SAMD13: variants seen among roughly 807,000 people sequenced by gnomAD.
SAMD13 encodes sterile alpha motif domain containing 13.
Under a neutral mutation model 12.4 loss-of-function variants are expected in SAMD13, and 9 were observed. The ratio of observed to expected loss-of-function variants is 0.72; its 90% CI spans 0.44 to 1.26. The LOEUF (loss-of-function observed/expected upper bound fraction) is 1.26. SAMD13 is among the 50% of genes most tolerant of loss of function. The pLI is 0.00. For missense variants in SAMD13, 84 were observed against 119.6 expected (o/e 0.70, Z 1.39); for synonymous variants, 46 against 45.4 (o/e 1.01, Z -0.05).
intron 3 of SAMD13, among the ~76,000 whole-genome samples, chr1:84,337,815 G>T (rs944342879): frequency 1.2e-4 from 19 of 152,152 alleles, no homozygotes; most frequent in Non-Finnish European, 2.2e-4. Context: ...TTATAAAACT[G>T]AATGCCTTTA....
At chr1:84,346,767 A>C (rs1288846974) in intron 3 of SAMD13, among the ~76,000 whole-genome samples, 1 of 152,202 alleles carries the variant, frequency 6.6e-6, no homozygotes. Flanking sequence ...TTCTTAATCA[A>C]GGAACTTTCC....
At chr1:84,303,335 A>G in intron 2 of SAMD13, 48 bp downstream of exon 2, 1 of 1,467,416 alleles carries the variant, frequency 6.8e-7, no homozygotes, top group African/African-American at 1.4e-5. Flanking sequence ...CAACAGAGGG[A>G]CTTAGTTTCT....
chr1:84,331,670 G>A (rs1487212359), intron 3 of SAMD13, among the ~76,000 whole-genome samples: 1 of 152,034 alleles, frequency 6.6e-6, no homozygotes, highest in East Asian at 1.9e-4. Flanking sequence ...CAAATAAGTG[G>A]GTAATGCTAG....
At chr1:84,303,063 C>T (rs1017695803) in intron 1 of SAMD13, 140 bp from the exon 2 acceptor site, 59 of 628,222 alleles carry the variant, frequency 9.4e-5, no homozygotes, top group African/African-American at 9.3e-4. Context: ...CTCCAATCGC[C>T]GAGGGAACTG....
chr1:84,303,222 C>G lies in SAMD13; in HGVS notation c.-13C>G. 6.2e-7 allele frequency: 1 copy of G among 1,612,842 alleles called. No homozygotes were observed. ...GATTAGTTGCTGAAGTAAAGGAACC[C>G]TGCAGCCTTCCCATGCTATCTGTTG... On this transcript the variant is annotated 5_prime_UTR_variant, in exon 2 of 4. Coordinates refer to ENST00000394834, the MANE Select transcript of SAMD13 (RefSeq NM_001134663.2).
At chr1:84,304,875 A>G (rs1020996363) in intron 2 of SAMD13, among the ~76,000 whole-genome samples, 3 of 152,094 alleles carry the variant, frequency 2.0e-5, no homozygotes, top group Non-Finnish European at 2.9e-5. Context: ...ACTGAGTAAT[A>G]TTTCACTGTT....
intron 3 of SAMD13, among the ~76,000 whole-genome samples, chr1:84,332,018 A>G (rs1679201736): frequency 6.6e-6 from 1 of 152,216 alleles, no homozygotes; most frequent in South Asian, 2.1e-4. Context: ...TTCGCATAGG[A>G]TAATGACCTC....
In SAMD13 at chr1:84,345,587, G is replaced by A. The variant is rs1364644388; in HGVS notation, c.166-4044G>A. ...GGCCTTCCCAGTCAGCGCAGAGCCCGACCTTCATAAATTCCATTGACTTCT... is the reference window on the plus strand; with the variant it reads ...GGCCTTCCCAGTCAGCGCAGAGCCCAACCTTCATAAATTCCATTGACTTCT... On this transcript the variant is annotated intron_variant, in intron 3 of 3. Coordinates refer to ENST00000394834, the MANE Select transcript of SAMD13 (RefSeq NM_001134663.2). Among the ~76,000 whole-genome samples, 7 of 152,124 alleles carry A rather than the reference G, an allele frequency of 4.6e-5. No homozygotes were observed. The East Asian group carries it at 7.7e-4, about 17-fold the overall frequency.
chr1:84,313,124 G>A (rs973887165), intron 2 of SAMD13, among the ~76,000 whole-genome samples: 1 of 151,940 alleles, frequency 6.6e-6, no homozygotes, highest in Non-Finnish European at 1.5e-5. Flanking sequence ...CAGTTTTTGT[G>A]CACATACTCT....
At chr1:84,343,503 A>G (rs1252801126) in intron 3 of SAMD13, among the ~76,000 whole-genome samples, 1 of 152,232 alleles carries the variant, frequency 6.6e-6, no homozygotes, top group Non-Finnish European at 1.5e-5. Flanking sequence ...GTACATAGAC[A>G]CCATGGAATG....
In SAMD13 at chr1:84,347,194, A is replaced by G. The variant is rs540690596; in HGVS notation, c.166-2437A>G. On this transcript the variant is annotated intron_variant, in intron 3 of 3. Coordinates refer to ENST00000394834, the MANE Select transcript of SAMD13 (RefSeq NM_001134663.2). The stretch of plus-strand genomic sequence containing the variant: ...GTAAGCTTCATTTCCATTATTCTCT[A>G]TTCCACTGTCATTCCTTTGAGCTGC... Among the ~76,000 whole-genome samples, 6 of 152,300 alleles carry G rather than the reference A, an allele frequency of 3.9e-5. No individual in the cohort carries two copies. The South Asian group carries it at 1.2e-3, about 32-fold the overall frequency.
intron 2 of SAMD13, among the ~76,000 whole-genome samples, chr1:84,325,077 A>C (rs945048093): frequency 2.0e-5 from 3 of 152,190 alleles, no homozygotes; most frequent in African/African-American, 7.2e-5. Context: ...GTTTGAATGA[A>C]GTTCTAGAAG....
chr1:84,306,830 A>AAATAATAATAATAATAATAAT (rs56408257), intron 2 of SAMD13, among the ~76,000 whole-genome samples: 27 of 144,462 alleles, frequency 1.9e-4, no homozygotes, highest in African/African-American at 6.8e-4. Flanking sequence ...CTCCGTCTCA[A>AAATAATAATAATAATAATAAT]AATAATAATA....
chr1:84,334,072 T>A (rs990879180), intron 3 of SAMD13, among the ~76,000 whole-genome samples: 7 of 152,144 alleles, frequency 4.6e-5, no homozygotes, highest in Non-Finnish European at 7.4e-5. Context: ...CCTCATAGAA[T>A]GAGTTAAGGA....
chr1:84,302,782 C>T, intron 1 of SAMD13: 2 of 614,640 alleles, frequency 3.3e-6, no homozygotes, highest in Non-Finnish European at 2.0e-6. Flanking sequence ...AAAAAAAAAA[C>T]CAAACACAAT....
At chr1:84,318,973 A>T (rs1678888424) in intron 2 of SAMD13, among the ~76,000 whole-genome samples, 1 of 152,224 alleles carries the variant, frequency 6.6e-6, no homozygotes, top group Non-Finnish European at 1.5e-5. Context: ...AAAACATCGT[A>T]TTTTAAATAT....
At chr1:84,339,596 C>G (rs868087833) in intron 3 of SAMD13, among the ~76,000 whole-genome samples, 5 of 152,240 alleles carry the variant, frequency 3.3e-5, no homozygotes, top group Middle Eastern at 3.4e-3. Context: ...CCACAACACT[C>G]CAATGGGGGT....
At chr1:84,298,999 G>C (rs905565025), upstream of SAMD13, among the ~76,000 whole-genome samples, 2 of 152,176 alleles carry the variant, frequency 1.3e-5, no homozygotes, top group African/African-American at 4.8e-5. Context: ...GTGCCACAGA[G>C]AGTCGTGTGG....
chr1:84,323,551 T>C (rs1678994429), intron 2 of SAMD13, among the ~76,000 whole-genome samples: 1 of 152,108 alleles, frequency 6.6e-6, no homozygotes, highest in African/African-American at 2.4e-5. Context: ...GTTGAGAAAT[T>C]AACGATCACA....
Sources: gnomAD v4.1 joint callset for allele counts (sites outside exome capture counted in the v4.1 genomes callset) on GRCh38, gnomAD v4.1.1 for gene constraint, MANE v1.5 for transcripts, NCBI Gene and HGNC (gene_info 2026-07-23, HGNC 2026-07-21) for gene names.